DTNA: variants seen among roughly 807,000 people sequenced by gnomAD.
DTNA encodes dystrophin-related protein 3.
In DTNA, 43 loss-of-function variants were observed where a neutral mutation model predicts 100.7. The observed-to-expected ratio is 0.43, with a 90% CI of 0.33 to 0.55. The LOEUF (loss-of-function observed/expected upper bound fraction) is 0.55. Among genes scored for constraint, DTNA ranks in the 20% least tolerant of loss-of-function variants. DTNA has a pLI of 0.04. For synonymous variants in DTNA, 349 were observed against 347.9 expected (o/e 1.00, Z -0.04); for missense variants, 798 against 953.9 (o/e 0.84, Z 2.15).
chr18:34,620,896 C>T (rs527529155), intron 1 of DTNA, among the ~76,000 whole-genome samples: 3 of 152,218 alleles, frequency 2.0e-5, no homozygotes, highest in Admixed American at 6.5e-5. Context: ...CCAAAATGCA[C>T]ATTGCATAGT....
intron 1 of DTNA, among the ~76,000 whole-genome samples, chr18:34,732,075 T>C (rs2088389133): frequency 6.6e-6 from 1 of 152,230 alleles, no homozygotes; most frequent in South Asian, 2.1e-4. Context: ...TCCCTGAAGC[T>C]GAAAAGAAAA....
chr18:34,872,949 C>G (rs1444010337), intron 17 of DTNA, among the ~76,000 whole-genome samples: 1 of 152,202 alleles, frequency 6.6e-6, no homozygotes, highest in Non-Finnish European at 1.5e-5. Context: ...CTGCCATTCT[C>G]TTGCTCAGAA....
chr18:34,543,938 GTT>G (rs1241552853), intron 1 of DTNA, among the ~76,000 whole-genome samples: 3 of 152,088 alleles, frequency 2.0e-5, no homozygotes, highest in Non-Finnish European at 4.4e-5. Context: ...GAAGGGGGCT[GTT>G]TTTGCACGAA....
intron 3 of DTNA, among the ~76,000 whole-genome samples, chr18:34,780,984 C>T (rs2094294771): frequency 6.6e-6 from 1 of 152,208 alleles, no homozygotes; most frequent in South Asian, 2.1e-4. Flanking sequence ...CTAGGTTGCA[C>T]ATGTGTGAGT....
At chr18:34,868,848 C>G (rs2096735670) in intron 17 of DTNA, 2 of 864,962 alleles carry the variant, frequency 2.3e-6, no homozygotes, top group South Asian at 1.1e-4. Flanking sequence ...CTTTGTGTAT[C>G]TTTAAGATTT....
At chr18:34,764,713 C>T (rs971293611) in intron 2 of DTNA, among the ~76,000 whole-genome samples, 5 of 152,222 alleles carry the variant, frequency 3.3e-5, no homozygotes, top group African/African-American at 9.6e-5. Context: ...ACTGGGAAAG[C>T]ACTTAATTGG....
chr18:34,663,474 T>C (rs531414538), intron 1 of DTNA, among the ~76,000 whole-genome samples: 1 of 152,320 alleles, frequency 6.6e-6, no homozygotes, highest in Non-Finnish European at 1.5e-5. Context: ...CACATCCTTT[T>C]AATAGTGCAA....
chr18:34,800,900 A>G (rs560729554), intron 4 of DTNA, among the ~76,000 whole-genome samples: 33 of 152,304 alleles, frequency 2.2e-4, no homozygotes, highest in Admixed American at 1.7e-3. Flanking sequence ...CAACTTTTCC[A>G]TATAAATAAT....
chr18:34,812,860 G>C (rs141685128), intron 6 of DTNA, among the ~76,000 whole-genome samples: 351 of 152,262 alleles, frequency 2.3e-3, no homozygotes, highest in Middle Eastern at 0.01. Context: ...TTTAACATTG[G>C]TTTAGCAAAG....
rs551661610 is a variant in DTNA at position 34,583,730 on chromosome 18, A to C, written c.-2+90216A>C. Among the ~76,000 whole-genome samples the C allele has an allele frequency of 3.3e-5, 5 of 152,236 alleles. No homozygotes were observed. The East Asian group carries it at 9.7e-4, about 30-fold the overall frequency. Reference sequence around the variant, plus strand: ...TTGAGAACCCTCAAAAGACTCAAAGACTGGAGGCAAAAAGGATTGCTGACG... The same window carrying C: ...TTGAGAACCCTCAAAAGACTCAAAGCCTGGAGGCAAAAAGGATTGCTGACG... On this transcript the variant is annotated intron_variant, in intron 1 of 19. Transcript: ENST00000283365.
At chr18:34,829,348 T>C in intron 10 of DTNA, 52 bp from the exon 11 acceptor site, 2 of 1,533,356 alleles carry the variant, frequency 1.3e-6, no homozygotes, top group Non-Finnish European at 8.7e-7. Flanking sequence ...TGAGTGGGCC[T>C]TGCTCTGTCC....
Position 34,581,495 on chromosome 18 carries a change from AC to A in DTNA, c.-2+87982del, listed in dbSNP as rs140408229. On this transcript the variant is annotated intron_variant, in intron 1 of 19. Coordinates refer to the DTNA transcript ENST00000283365. Reference sequence around the variant, plus strand: ...TGTTTTTTTAAAATATGATTTTGAGACTTTTTGTTGTTAAGGACAGATAAAT... The same window carrying A: ...TGTTTTTTTAAAATATGATTTTGAGATTTTTGTTGTTAAGGACAGATAAAT... Among the ~76,000 whole-genome samples the A allele has an allele frequency of 5.8e-3, 885 of 152,050 alleles. 12 individuals carry two copies. Among genetic ancestry groups the A allele is most frequent in the African/African-American group, 0.02 (838 of 41,456 alleles).
chr18:34,604,692 A>G (rs2052635513), intron 1 of DTNA, among the ~76,000 whole-genome samples: 1 of 152,194 alleles, frequency 6.6e-6, no homozygotes, highest in East Asian at 1.9e-4. Flanking sequence ...AATCTAACTT[A>G]CTTAGATTTA....
intron 3 of DTNA, among the ~76,000 whole-genome samples, chr18:34,779,012 C>T (rs546596819): frequency 1.2e-4 from 18 of 151,342 alleles, no homozygotes; most frequent in Admixed American, 3.3e-4. Context: ...TTAATAGAGA[C>T]GGGATTTCAC....
At chr18:34,624,589 A>G (rs1301529668) in intron 1 of DTNA, among the ~76,000 whole-genome samples, 1 of 152,244 alleles carries the variant, frequency 6.6e-6, no homozygotes, top group African/African-American at 2.4e-5. Flanking sequence ...TGTTCTTCCA[A>G]AAGATGGCTA....
chr18:34,729,496 G>A (rs772227428), intron 1 of DTNA, among the ~76,000 whole-genome samples: 13 of 152,172 alleles, frequency 8.5e-5, no homozygotes, highest in South Asian at 4.1e-4. Flanking sequence ...TCAGAACCCC[G>A]CTCTGAGGAA....
rs555333542 is a variant in DTNA at position 34,541,789 on chromosome 18, T to G, written c.-2+48275T>G. Among the ~76,000 whole-genome samples the G allele has an allele frequency of 1.4e-4, 21 of 152,074 alleles. 1 individual carries two copies. The South Asian group carries it at 4.2e-3, about 30-fold the overall frequency. The stretch of plus-strand genomic sequence containing the variant: ...GGAGATAAAGTGAGATTAGAAGATA[T>G]CCAGAGAAATGTGAAGAGAGTTGTC... On this transcript the variant is annotated intron_variant, in intron 1 of 19. Transcript: ENST00000283365.
At chr18:34,581,025 C>T (rs2146653202) in intron 1 of DTNA, among the ~76,000 whole-genome samples, 1 of 152,230 alleles carries the variant, frequency 6.6e-6, no homozygotes, top group Admixed American at 6.5e-5. Flanking sequence ...GCAGGCGGAT[C>T]ACGAGGTCAG....
intron 1 of DTNA, among the ~76,000 whole-genome samples, chr18:34,567,524 AGATT>A (rs916863483): frequency 3.9e-5 from 6 of 152,124 alleles, no homozygotes; most frequent in Non-Finnish European, 8.8e-5. Context: ...AAAAGTATAC[AGATT>A]GATAAGAAAT....
Sources: allele counts gnomAD v4.1 joint callset (sites outside exome capture counted in the v4.1 genomes callset), GRCh38; gene constraint gnomAD v4.1.1; transcripts MANE v1.5; gene names NCBI Gene and HGNC (gene_info 2026-07-23, HGNC 2026-07-21).